The following ZNF423 variants were observed in gnomAD, a reference collection of about 807,000 sequenced individuals.
ZNF423 encodes the protein Ebf-associated zinc finger protein.
ZNF423 carries 12 observed loss-of-function variants against 95.8 expected under a neutral mutation model. The observed-to-expected ratio is 0.13, with a 90% CI of 0.08 to 0.20. The LOEUF is 0.20. Ranked by LOEUF, ZNF423 falls within the 10% of genes least tolerant of loss-of-function variation. The pLI, the probability that ZNF423 is intolerant of heterozygous loss-of-function variation, is 1.00. For synonymous variants in ZNF423, 749 were observed against 711.9 expected, an observed-to-expected ratio of 1.05 and a Z score of -0.83; for missense variants, 1,316 against 1,737.1, an observed-to-expected ratio of 0.76 and a Z score of 4.31.
In ZNF423 at chr16:49,490,386, A is replaced by G. The variant is rs908449725; in HGVS notation, c.*889T>C. Reference sequence around the variant, plus strand: ...GGAAGATCAGGGTATTCCATCATTAAGGGGTCTTCTGCTTTGACTCCTGTG... The same window carrying G: ...GGAAGATCAGGGTATTCCATCATTAGGGGGTCTTCTGCTTTGACTCCTGTG... On this transcript the variant is annotated 3_prime_UTR_variant, in exon 8 of 8. Coordinates refer to ENST00000563137, the MANE Select transcript of ZNF423 (RefSeq NM_001379286.1). 1 of 152,262 alleles carries G rather than the reference A, an allele frequency of 6.6e-6. No homozygotes were observed. The highest frequency in any genetic ancestry group is 2.4e-5 in the African/African-American group (1 of 41,452). The allele number at this position is 152,262 out of a possible 1,614,324, so 9.4% of individuals were successfully genotyped here.
At chr16:49,757,741 C>T (rs1233776814) in intron 2 of ZNF423, among the ~76,000 whole-genome samples, 1 of 152,174 alleles carries the variant, frequency 6.6e-6, no homozygotes, top group East Asian at 1.9e-4. Context: ...AGACAAACAC[C>T]CCACGTGCCC....
chr16:49,842,402 AAGGAAGGAAGGC>A (rs1427272175), intron 1 of ZNF423, among the ~76,000 whole-genome samples: 12 of 127,400 alleles, frequency 9.4e-5, no homozygotes, highest in Middle Eastern at 4.3e-3. Flanking sequence ...GGAAGGAAGG[AAGGAAGGAAGGC>A]AGGCAGGCAG....
chr16:49,817,804 C>A (rs1284820561), intron 1 of ZNF423, among the ~76,000 whole-genome samples: 1 of 152,160 alleles, frequency 6.6e-6, no homozygotes, highest in Non-Finnish European at 1.5e-5. Context: ...TTTGACCCTA[C>A]TAGATGAGTG....
intron 5 of ZNF423, among the ~76,000 whole-genome samples, chr16:49,558,600 C>G (rs917897911): frequency 6.6e-6 from 1 of 152,274 alleles, no homozygotes; most frequent in East Asian, 1.9e-4. Flanking sequence ...CAAATCCACA[C>G]AGCTCAAAAG....
At chr16:49,583,501 A>G (rs112722249) in intron 5 of ZNF423, among the ~76,000 whole-genome samples, 33 of 152,344 alleles carry the variant, frequency 2.2e-4, no homozygotes, top group African/African-American at 7.2e-4. Context: ...AAGCCTATCA[A>G]TTTTATTCTA....
intron 4 of ZNF423, among the ~76,000 whole-genome samples, chr16:49,632,955 A>C (rs946745025): frequency 2.0e-5 from 3 of 152,190 alleles, no homozygotes; most frequent in African/African-American, 7.2e-5. Context: ...AGAAGCGGGC[A>C]CAGTGACCCA....
At chr16:49,853,751 T>C (rs531711193) in intron 1 of ZNF423, 2 of 985,124 alleles carry the variant, frequency 2.0e-6, no homozygotes, top group East Asian at 2.3e-4. Flanking sequence ...ATCCACAGAG[T>C]GGTTTTAGAA....
intron 5 of ZNF423, among the ~76,000 whole-genome samples, chr16:49,531,809 C>T (rs1176335402): frequency 6.6e-6 from 1 of 152,092 alleles, no homozygotes; most frequent in Non-Finnish European, 1.5e-5. Flanking sequence ...CCATGGGAGC[C>T]CCAACACCCC....
intron 3 of ZNF423, among the ~76,000 whole-genome samples, chr16:49,654,241 G>C (rs1243398895): frequency 6.6e-6 from 1 of 152,210 alleles, no homozygotes; most frequent in Non-Finnish European, 1.5e-5. Flanking sequence ...AGGCCATGGT[G>C]GTCACTGCCC....
chr16:49,682,063 A>T (rs939562753), intron 3 of ZNF423, among the ~76,000 whole-genome samples: 6 of 148,466 alleles, frequency 4.0e-5, no homozygotes, highest in African/African-American at 1.5e-4. Flanking sequence ...CTGTCCTCTA[A>T]TTACCCCCCA....
intron 3 of ZNF423, among the ~76,000 whole-genome samples, chr16:49,661,628 T>A (rs993127050): frequency 7.9e-5 from 12 of 152,188 alleles, no homozygotes; most frequent in African/African-American, 2.9e-4. Flanking sequence ...GGGAAACACC[T>A]CGCATCCACT....
At chr16:49,563,965 G>A (rs1328211360) in intron 5 of ZNF423, among the ~76,000 whole-genome samples, 1 of 152,188 alleles carries the variant, frequency 6.6e-6, no homozygotes, top group African/African-American at 2.4e-5. Flanking sequence ...TGGAAGCCAG[G>A]CCTCTTCCCA....
chr16:49,641,639 A>G (rs1360836549), intron 3 of ZNF423, among the ~76,000 whole-genome samples: 1 of 152,250 alleles, frequency 6.6e-6, no homozygotes, highest in Non-Finnish European at 1.5e-5. Context: ...ACTCAGAGCC[A>G]GAGCCCTCCC....
At position 49,638,448 on chromosome 16, in the gene ZNF423, C is replaced by T. The variant is rs1292405797; in HGVS notation, c.728G>A (p.Ser243Asn). 6.2e-7 allele frequency: 1 copy of T among 1,613,858 alleles called. No individual in the cohort carries two copies. The highest frequency in any genetic ancestry group is 1.1e-5 in the South Asian group (1 of 91,084). ...GGCCTGCATGTGGCTCTGCAGCGAG[C>T]TGGTGGAGGAGAAGCCGCGCTTGCA... The part of the protein sequence containing the change: ...TVCKRGFSST[S>N]SLQSHMQAHK... The change falls in exon 4 of 8, where the codon AGC becomes AAC. Residue 243 changes from serine to asparagine, a missense_variant. Ser to Asn is a conservative substitution (Grantham distance 46, BLOSUM62 1). Transcript: ENST00000563137. This position sits in a 1 kb window ranked among gnomAD's most constrained non-coding sequence, Gnocchi z 5.6.
At chr16:49,583,268 G>A (rs1004680661) in intron 5 of ZNF423, among the ~76,000 whole-genome samples, 18 of 152,212 alleles carry the variant, frequency 1.2e-4, no homozygotes, top group African/African-American at 4.3e-4. Flanking sequence ...ATCCTTGGAT[G>A]AAAGAATAGC....
intron 7 of ZNF423, among the ~76,000 whole-genome samples, chr16:49,494,412 C>T (rs1967080721): frequency 6.6e-6 from 1 of 152,208 alleles, no homozygotes; most frequent in Admixed American, 6.5e-5. Context: ...TCACTCAGCA[C>T]TACATTATTA....
chr16:49,590,051 T>TATATATATA (rs879296139), intron 5 of ZNF423, among the ~76,000 whole-genome samples: 13 of 134,076 alleles, frequency 9.7e-5, no homozygotes, highest in East Asian at 2.7e-4. Context: ...TATATATATA[T>TATATATATA]TTGGTCCATA....
intron 1 of ZNF423, among the ~76,000 whole-genome samples, chr16:49,815,914 ATTTTTTTTTT>A (rs58692079): frequency 1.3e-4 from 4 of 29,808 alleles, no homozygotes; most frequent in Admixed American, 1.2e-3. Flanking sequence ...ATATATATAT[ATTTTTTTTTT>A]TTTTTTTTTT....
chr16:49,549,535 T>C (rs1164811166), intron 5 of ZNF423, among the ~76,000 whole-genome samples: 1 of 152,134 alleles, frequency 6.6e-6, no homozygotes, highest in African/African-American at 2.4e-5. Flanking sequence ...CCTCCAGAGG[T>C]TGGCTGACCG....
Sources: allele counts gnomAD v4.1 joint callset (sites outside exome capture counted in the v4.1 genomes callset), GRCh38; gene constraint gnomAD v4.1.1; non-coding constraint Gnocchi (gnomAD v3.1); transcripts MANE v1.5; gene names NCBI Gene and HGNC (gene_info 2026-07-23, HGNC 2026-07-21).